The following DMRT1 variants were observed in gnomAD, a reference collection of about 807,000 sequenced individuals.
DMRT1 encodes the protein doublesex- and mab-3-related transcription factor 1.
A neutral mutation model predicts 32.3 loss-of-function variants in DMRT1; 7 were observed. The observed-to-expected ratio is 0.22, with a 90% confidence interval of 0.12 to 0.41. DMRT1 has a LOEUF of 0.41. DMRT1 is among the 10% of genes least tolerant of loss of function. The pLI, the probability that DMRT1 is intolerant of heterozygous loss-of-function variation, is 1.00. For synonymous variants in DMRT1, 278 were observed against 206.1 expected, an observed-to-expected ratio of 1.35 and a Z score of -2.99; for missense variants, 625 against 500.5, an observed-to-expected ratio of 1.25 and a Z score of -2.37.
At chr9:895,775 A>T (rs969066744) in intron 3 of DMRT1, among the ~76,000 whole-genome samples, 1 of 151,034 alleles carries the variant, frequency 6.6e-6, no homozygotes, top group African/African-American at 2.4e-5. Context: ...TTAGATTCCC[A>T]GAATTTACTC....
chr9:936,867 A>T (rs992352261), intron 4 of DMRT1, among the ~76,000 whole-genome samples: 2 of 152,198 alleles, frequency 1.3e-5, no homozygotes, highest in Non-Finnish European at 2.9e-5. Context: ...TGCCATTTTA[A>T]CATTTTTAAG....
At chr9:852,271 C>G (rs1815176660) in intron 2 of DMRT1, among the ~76,000 whole-genome samples, 1 of 140,234 alleles carries the variant, frequency 7.1e-6, no homozygotes, top group African/African-American at 2.6e-5. Flanking sequence ...TAGTTTATTC[C>G]CAGCCATTTT....
chr9:925,002 A>G (rs140442523), intron 4 of DMRT1, among the ~76,000 whole-genome samples: 20 of 152,294 alleles, frequency 1.3e-4, no homozygotes, highest in African/African-American at 4.3e-4. Context: ...CTGCCATTTG[A>G]CAAGGCCTCC....
rs549737106 is a variant in DMRT1 at position 853,244 on chromosome 9, T to C, written c.538+6101T>C. Among the ~76,000 whole-genome samples, 36 of 152,222 alleles carry C rather than the reference T, an allele frequency of 2.4e-4. No homozygotes were observed. In the East Asian group the frequency reaches 6.8e-3, roughly 29 times the overall value. Reference sequence around the variant, plus strand: ...GCTAGCATCGATGAACTTACACTGATGCATCATTGTCATCCAGAGTCCGTA... The same window carrying C: ...GCTAGCATCGATGAACTTACACTGACGCATCATTGTCATCCAGAGTCCGTA... On this transcript the variant is annotated intron_variant, in intron 2 of 4. Coordinates refer to ENST00000382276, the MANE Select transcript of DMRT1 (RefSeq NM_021951.3).
At chr9:944,584 T>C (rs1819181838) in intron 4 of DMRT1, among the ~76,000 whole-genome samples, 1 of 152,236 alleles carries the variant, frequency 6.6e-6, no homozygotes, top group African/African-American at 2.4e-5. Context: ...AAACGGATCT[T>C]TAATGGTGGA....
chr9:849,066 C>T (rs1839030340), intron 2 of DMRT1, among the ~76,000 whole-genome samples: 1 of 151,206 alleles, frequency 6.6e-6, no homozygotes. Flanking sequence ...AGGGGAGTAA[C>T]TCATTTGATT....
intron 4 of DMRT1, among the ~76,000 whole-genome samples, chr9:923,679 G>A (rs1818427101): frequency 6.6e-6 from 1 of 152,180 alleles, no homozygotes; most frequent in African/African-American, 2.4e-5. Context: ...GTGGGGCAAA[G>A]ACTCAGAGGG....
chr9:853,607 G>T (rs1815260209), intron 2 of DMRT1, among the ~76,000 whole-genome samples: 1 of 151,098 alleles, frequency 6.6e-6, no homozygotes, highest in Non-Finnish European at 1.5e-5. Flanking sequence ...TGAATAGCTG[G>T]GATTACAGGC....
chr9:875,925 G>A (rs909582488), intron 2 of DMRT1, among the ~76,000 whole-genome samples: 3 of 152,318 alleles, frequency 2.0e-5, no homozygotes, highest in Admixed American at 6.5e-5. Flanking sequence ...AGAAGCCCCT[G>A]TCTCTGGCCA....
At chr9:942,046 G>A (rs1819091835) in intron 4 of DMRT1, among the ~76,000 whole-genome samples, 1 of 152,162 alleles carries the variant, frequency 6.6e-6, no homozygotes, top group Non-Finnish European at 1.5e-5. Context: ...ACATGAAACA[G>A]AAGCCATCAT....
rs1589436068 is a variant in DMRT1, at chr9:841,989, A to C, written c.151A>C (p.Ser51Arg). ...AASGSSAGGS[S>R]RGGGSGSGAS... ...CAGCGGCTCGAGCGCCGGGGGCAGC[A>C]GCAGAGGAGGCGGCTCCGGCTCCGG... Residue 51 changes from serine (S) to arginine (R), a missense_variant, in exon 1 of 5, where the codon AGC (serine) becomes CGC (arginine). Ser to Arg is a moderately radical substitution (Grantham distance 110). This residue lies in a region of DMRT1 where 201 missense variants were observed against 152.0 expected (regional missense o/e 1.32). Transcript: ENST00000382276. 1 of 1,572,404 alleles carries C rather than the reference A, an allele frequency of 6.4e-7. No homozygotes were observed. The highest frequency in any genetic ancestry group is 1.1e-5 in the South Asian group (1 of 86,998).
intron 4 of DMRT1, among the ~76,000 whole-genome samples, chr9:929,403 T>C (rs938195215): frequency 6.6e-6 from 1 of 152,180 alleles, no homozygotes; most frequent in East Asian, 1.9e-4. Flanking sequence ...AGTATCATTT[T>C]TATTTCTACA....
Position 947,415 on chromosome 9 carries a change from T to A in DMRT1, c.968-20570T>A, listed in dbSNP as rs1819281953. Among the ~76,000 whole-genome samples the A allele has an allele frequency of 2.6e-5, 4 of 152,204 alleles. No homozygotes were observed. In the South Asian group the frequency reaches 8.3e-4, roughly 32 times the overall value. On this transcript the variant is annotated intron_variant, in intron 4 of 4. Coordinates refer to ENST00000382276, the MANE Select transcript of DMRT1 (RefSeq NM_021951.3). ...TGACAGAAAATGTTAATGTGTCTAT[T>A]AAGGAAGGAAAGCTCGTAATTTCTT...
chr9:884,556 A>G (rs1175817148), intron 2 of DMRT1, among the ~76,000 whole-genome samples: 1 of 152,150 alleles, frequency 6.6e-6, no homozygotes, highest in African/African-American at 2.4e-5. Flanking sequence ...GACAAATGCT[A>G]TTGGTAATTT....
At chr9:874,003 A>G (rs1280016198) in intron 2 of DMRT1, among the ~76,000 whole-genome samples, 10 of 152,230 alleles carry the variant, frequency 6.6e-5, no homozygotes, top group Non-Finnish European at 1.2e-4. Context: ...TTATTCCTAC[A>G]GAGTATGGTG....
intron 2 of DMRT1, among the ~76,000 whole-genome samples, chr9:889,030 G>T (rs1397216233): frequency 1.3e-5 from 2 of 151,890 alleles, no homozygotes; most frequent in East Asian, 3.9e-4. Context: ...CCATTCTCGG[G>T]GTGTATGATT....
intron 2 of DMRT1, among the ~76,000 whole-genome samples, chr9:863,710 C>G (rs1815831536): frequency 6.6e-6 from 1 of 152,190 alleles, no homozygotes; most frequent in African/African-American, 2.4e-5. Flanking sequence ...CAATTTGTGT[C>G]ATTTACGCCA....
chr9:927,718 C>A (rs1818574627), intron 4 of DMRT1, among the ~76,000 whole-genome samples: 1 of 152,162 alleles, frequency 6.6e-6, no homozygotes, highest in African/African-American at 2.4e-5. Context: ...AGAATGGTGA[C>A]CAGATTTTAT....
intron 4 of DMRT1, among the ~76,000 whole-genome samples, chr9:931,420 A>G (rs1022329372): frequency 7.2e-5 from 11 of 152,250 alleles, no homozygotes; most frequent in African/African-American, 2.7e-4. Context: ...GTGCATATGG[A>G]CATTGAGCAG....
Sources: allele counts gnomAD v4.1 joint callset (sites outside exome capture counted in the v4.1 genomes callset), GRCh38; gene constraint gnomAD v4.1.1; regional missense constraint gnomAD v4.1.1; transcripts MANE v1.5; gene names NCBI Gene and HGNC (gene_info 2026-07-23, HGNC 2026-07-21).